DPP10: variants seen among roughly 807,000 people sequenced by gnomAD.
DPP10 encodes the protein dipeptidyl peptidase like 10, also known as inactive dipeptidyl peptidase 10.
In DPP10, 33 loss-of-function variants were observed where a neutral mutation model predicts 120.9. The ratio of observed to expected loss-of-function variants is 0.27; its 90% CI spans 0.21 to 0.37. DPP10 has a LOEUF of 0.37. Among genes scored for constraint, DPP10 ranks in the 10% least tolerant of loss-of-function variants. The pLI, the probability that DPP10 is intolerant of heterozygous loss-of-function variation, is 1.00. For missense variants in DPP10, 816 were observed against 942.8 expected, an observed-to-expected ratio of 0.87 and a Z score of 1.76; for synonymous variants, 337 against 326.1, an observed-to-expected ratio of 1.03 and a Z score of -0.36.
At chr2:115,173,304 C>G (rs1453598659) in intron 1 of DPP10, among the ~76,000 whole-genome samples, 2 of 152,136 alleles carry the variant, frequency 1.3e-5, no homozygotes, top group Non-Finnish European at 2.9e-5. Flanking sequence ...GAAATGTCAG[C>G]TTCACATTGC....
intron 1 of DPP10, among the ~76,000 whole-genome samples, chr2:115,052,781 G>T (rs1005488684): frequency 6.6e-6 from 1 of 151,924 alleles, no homozygotes; most frequent in African/African-American, 2.4e-5. Context: ...GCGAAACCCC[G>T]TCTCTACTCA....
intron 1 of DPP10, among the ~76,000 whole-genome samples, chr2:114,796,685 C>T (rs1412671647): frequency 6.6e-6 from 1 of 152,084 alleles, no homozygotes; most frequent in African/African-American, 2.4e-5. Context: ...TGTATACTTA[C>T]CCCAATAGGA....
chr2:114,685,839 A>G (rs189384461), intron 1 of DPP10, among the ~76,000 whole-genome samples: 100 of 151,970 alleles, frequency 6.6e-4, no homozygotes, highest in Admixed American at 2.7e-3. Flanking sequence ...GAAGTTTCCT[A>G]TCCGGTCTTC....
chr2:115,404,014 A>G (rs2068317054), intron 3 of DPP10, among the ~76,000 whole-genome samples: 1 of 152,220 alleles, frequency 6.6e-6, no homozygotes, highest in Admixed American at 6.5e-5. Context: ...AAAAAGTTAA[A>G]TATATAGGTG....
chr2:114,690,946 A>G (rs1039203534), intron 1 of DPP10, among the ~76,000 whole-genome samples: 1 of 152,120 alleles, frequency 6.6e-6, no homozygotes, highest in Non-Finnish European at 1.5e-5. Flanking sequence ...GAAGTTGCTT[A>G]TCAGTTTAAG....
At chr2:114,500,373 C>A (rs558971372) in intron 1 of DPP10, among the ~76,000 whole-genome samples, 1 of 152,290 alleles carries the variant, frequency 6.6e-6, no homozygotes, top group South Asian at 2.1e-4. Flanking sequence ...ATGACAAGAG[C>A]TTTGTGGTAT....
In DPP10 at chr2:114,497,215, G is replaced by A. The variant is rs1027185972; in HGVS notation, c.60+54377G>A. On this transcript the variant is annotated intron_variant, in intron 1 of 25. Coordinates refer to ENST00000410059, the MANE Select transcript of DPP10 (RefSeq NM_020868.6). ...CATGTGTATGCATGTGTACATATAC[G>A]TGTGTATGCATGTACGTGCGTATAC... Among the ~76,000 whole-genome samples the A allele has an allele frequency of 6.0e-5, 9 of 149,038 alleles. No individual in the cohort carries two copies. In the South Asian group the frequency reaches 6.4e-4, roughly 11 times the overall value.
intron 1 of DPP10, among the ~76,000 whole-genome samples, chr2:115,205,289 T>C (rs1016528352): frequency 6.6e-6 from 1 of 152,178 alleles, no homozygotes; most frequent in Admixed American, 6.6e-5. Flanking sequence ...GGTAAGAATT[T>C]AATTTTATTC....
intron 1 of DPP10, among the ~76,000 whole-genome samples, chr2:115,071,058 T>C (rs1573502207): frequency 6.6e-6 from 1 of 152,226 alleles, no homozygotes; most frequent in Non-Finnish European, 1.5e-5. Flanking sequence ...TTTCTCTTCA[T>C]AAATAGAAAT....
chr2:115,719,204 G>A (rs1010338089), intron 7 of DPP10, among the ~76,000 whole-genome samples: 4 of 152,052 alleles, frequency 2.6e-5, no homozygotes, highest in African/African-American at 9.7e-5. Flanking sequence ...CTCCTAAAAA[G>A]CGTGGATTAA....
chr2:114,768,419 ATC>A (rs1043189789), intron 1 of DPP10, among the ~76,000 whole-genome samples: 28 of 152,194 alleles, frequency 1.8e-4, no homozygotes, highest in Admixed American at 1.7e-3. Context: ...AACAATAATA[ATC>A]TCTGTGTGAG....
At chr2:115,169,430 A>G (rs1199647509) in intron 1 of DPP10, among the ~76,000 whole-genome samples, 1 of 150,018 alleles carries the variant, frequency 6.7e-6, no homozygotes, top group Admixed American at 6.6e-5. Context: ...TCAAATATAT[A>G]CACACTATAC....
rs185959766 is a variant in DPP10, at chr2:114,701,308, A to G, written c.60+258470A>G. On this transcript the variant is annotated intron_variant, in intron 1 of 25. Transcript: ENST00000410059. ...GATGGGTTCCATTATTATTGGTCCC[A>G]TTTTATAGATGAGAATGCTAGGATT... Among the ~76,000 whole-genome samples, 373 of 152,138 alleles carry G rather than the reference A, an allele frequency of 2.5e-3. 1 individual carries two copies. The highest frequency in any genetic ancestry group is 6.0e-3 in the African/African-American group (248 of 41,536).
intron 1 of DPP10, among the ~76,000 whole-genome samples, chr2:115,083,734 C>A (rs535119622): frequency 1.3e-5 from 2 of 152,220 alleles, no homozygotes; most frequent in African/African-American, 4.8e-5. Context: ...TTTGCTACCA[C>A]AATTTTTGTC....
Position 115,029,852 on chromosome 2 carries a change from A to C in DPP10, c.61-279387A>C, listed in dbSNP as rs376379049. On this transcript the variant is annotated intron_variant, in intron 1 of 25. Coordinates refer to ENST00000410059, the MANE Select transcript of DPP10 (RefSeq NM_020868.6). ...TTAGTTTCAGTCTAATTTTTCCCCA[A>C]TATGGACACAAAATGTTATGAGGAC... is the stretch of plus-strand genomic sequence containing the variant. Among the ~76,000 whole-genome samples, 29 of 152,242 alleles carry C rather than the reference A, an allele frequency of 1.9e-4. 1 individual carries two copies. In the South Asian group the frequency reaches 5.4e-3, roughly 28 times the overall value.
rs1223137383 is a variant in DPP10, at chr2:115,349,663, A to G, written c.271+5751A>G. On this transcript the variant is annotated intron_variant, in intron 3 of 25. Coordinates refer to ENST00000410059, the MANE Select transcript of DPP10 (RefSeq NM_020868.6). ...GTCACTATTGTAGCCTGTATGAAAA[A>G]CAAGAAACATTATTGTAATATATCA... 2.6e-5 allele frequency among the ~76,000 whole-genome samples: 4 copies of G among 152,194 alleles called. No homozygotes were observed. In the East Asian group the frequency reaches 7.8e-4, roughly 29 times the overall value.
chr2:114,772,448 C>T (rs144085918), intron 1 of DPP10, among the ~76,000 whole-genome samples: 2,504 of 150,756 alleles, frequency 0.017, 67 homozygotes, highest in African/African-American at 0.058. Context: ...TGTGAGCCAC[C>T]GCACCCAGCC....
At chr2:115,513,626 T>C (rs1485877002) in intron 4 of DPP10, among the ~76,000 whole-genome samples, 1 of 152,052 alleles carries the variant, frequency 6.6e-6, no homozygotes. Flanking sequence ...ACTAATTTAA[T>C]TTCAATGGCA....
chr2:115,739,806 G>A lies in DPP10; in HGVS notation c.765G>A (p.Met255Ile), dbSNP rs780261919. 2 of 1,613,536 alleles carry A rather than the reference G, an allele frequency of 1.2e-6. No homozygotes were observed. Among genetic ancestry groups the A allele is most frequent in the Non-Finnish European group, 8.5e-7 (1 of 1,179,586 alleles). The change falls in exon 9 of 26, where the codon ATG becomes ATA. Residue 255 changes from methionine to isoleucine, a missense_variant. By Grantham distance (10) the Met-to-Ile change is conservative (BLOSUM62 1). Coordinates refer to ENST00000410059, the MANE Select transcript of DPP10 (RefSeq NM_020868.6). ...SPDGERLAFL[M>I]INDSLVPTMV... ...ATGGAGAAAGACTTGCCTTCCTGAT[G>A]ATAAATGACTCTTTGGTACCCACCA...
Sources: allele counts gnomAD v4.1 joint callset (sites outside exome capture counted in the v4.1 genomes callset), GRCh38; gene constraint gnomAD v4.1.1; transcripts MANE v1.5; gene names NCBI Gene and HGNC (gene_info 2026-07-23, HGNC 2026-07-21).